GLI3: variants seen among roughly 807,000 people sequenced by gnomAD.
The protein encoded by GLI3 is GLI family zinc finger 3.
GLI3 carries 20 observed loss-of-function variants against 100.8 expected under a neutral mutation model. That is an observed-to-expected ratio of 0.20 (90% confidence interval 0.14 to 0.29). The LOEUF (loss-of-function observed/expected upper bound fraction) is 0.29. Among genes scored for constraint, GLI3 ranks in the 10% least tolerant of loss-of-function variants. The pLI is 1.00. For synonymous variants in GLI3, 938 were observed against 860.5 expected (o/e 1.09, Z -1.58); for missense variants, 2,040 against 2,128.5 (o/e 0.96, Z 0.82).
chr7:42,197,430 C>G (rs3801218), intron 2 of GLI3, among the ~76,000 whole-genome samples: 5 of 152,144 alleles, frequency 3.3e-5, no homozygotes, highest in Non-Finnish European at 5.9e-5. Context: ...CTTGGGCATC[C>G]TCTTCTTATT....
intron 3 of GLI3, among the ~76,000 whole-genome samples, chr7:42,084,901 C>CTTTTTTTTTTTTTTTTTTTT (rs747166719): frequency 1.1e-4 from 5 of 47,502 alleles, no homozygotes; most frequent in Non-Finnish European, 1.4e-4. Context: ...CATTTGGATT[C>CTTTTTTTTTTTTTTTTTTTT]TTTTTTTTTT....
intron 4 of GLI3, among the ~76,000 whole-genome samples, chr7:42,066,953 G>C (rs942402246): frequency 1.3e-5 from 2 of 152,048 alleles, no homozygotes; most frequent in African/African-American, 4.8e-5. Context: ...TAATCCCAAG[G>C]ACAGGCTTAG....
chr7:42,145,351 T>C (rs1050987172), intron 3 of GLI3: 10 of 390,154 alleles, frequency 2.6e-5, no homozygotes, highest in African/African-American at 2.1e-4. Flanking sequence ...AAAGTTTGCA[T>C]TTGTTACATA....
Position 41,966,290 on chromosome 7 carries a change from C to T in GLI3, c.2783G>A (p.Arg928His), listed in dbSNP as rs1408670754. ...LLSLTPAQQY[R>H]LKAKYAAATG... ...GGCAGCCGCGTACTTGGCCTTGAGG[C>T]GGTACTGCTGGGCGGGCGTGAGGCT... The change falls in exon 15 of 15, where the codon CGC becomes CAC. Residue 928 changes from arginine (R) to histidine (H), a missense_variant. Physicochemically the swap from Arg to His is conservative, Grantham distance 29. Around this residue, in one of 5 missense-constraint regions of GLI3, gnomAD observed 1,041 missense variants for 924.0 expected, o/e 1.13. Coordinates refer to ENST00000395925, the MANE Select transcript of GLI3 (RefSeq NM_000168.6). The surrounding 1 kb of genome is among the most constrained non-coding windows in gnomAD (Gnocchi z 5.8). 1.2e-6 allele frequency: 2 copies of T among 1,608,084 alleles called. No homozygotes were observed. Among genetic ancestry groups the T allele is most frequent in the Admixed American group, 1.7e-5 (1 of 59,956 alleles).
At chr7:42,055,347 C>G (rs1784437999) in intron 4 of GLI3, among the ~76,000 whole-genome samples, 1 of 152,180 alleles carries the variant, frequency 6.6e-6, no homozygotes, top group South Asian at 2.1e-4. Flanking sequence ...TTCCTCCTCC[C>G]CAAGGCCACA....
chr7:42,176,212 G>A (rs1431546967), intron 2 of GLI3, among the ~76,000 whole-genome samples: 1 of 151,976 alleles, frequency 6.6e-6, no homozygotes, highest in Non-Finnish European at 1.5e-5. Context: ...CCCATATGCT[G>A]GTGCTGACCC....
intron 2 of GLI3, among the ~76,000 whole-genome samples, chr7:42,200,772 G>C (rs1469640733): frequency 1.3e-5 from 2 of 151,202 alleles, no homozygotes. Flanking sequence ...CAAATCATGA[G>C]ACAGAAGACT....
chr7:41,965,509 A>G lies in GLI3; in HGVS notation c.3564T>C (p.Thr1188=). The G allele has an allele frequency of 6.2e-7, 1 of 1,607,102 alleles. No homozygotes were observed. Residue 1188 remains threonine, a synonymous_variant, in exon 15 of 15, where the codon ACT becomes ACC. Transcript: ENST00000395925. The part of the protein sequence containing the change: ...KCGPRPAVPQ[T]RAFGFCNGMV... Reference sequence around the variant, plus strand: ...TGCCGTTGCAGAACCCAAAGGCGCGAGTCTGCGGCACAGCGGGCCGCGGCC... The same window carrying G: ...TGCCGTTGCAGAACCCAAAGGCGCGGGTCTGCGGCACAGCGGGCCGCGGCC...
At chr7:42,118,465 A>T (rs1785914314) in intron 3 of GLI3, 1 of 395,300 alleles carries the variant, frequency 2.5e-6, no homozygotes, top group African/African-American at 2.1e-5. Context: ...ACACACAGCA[A>T]CTAGAGACCC....
intron 2 of GLI3, among the ~76,000 whole-genome samples, chr7:42,197,128 G>A (rs1787942426): frequency 6.6e-6 from 1 of 152,154 alleles, no homozygotes; most frequent in Non-Finnish European, 1.5e-5. Context: ...GCTGTCTGCA[G>A]GACCCCCGTT....
intron 3 of GLI3, among the ~76,000 whole-genome samples, chr7:42,118,680 C>T (rs1785920652): frequency 6.6e-6 from 1 of 152,080 alleles, no homozygotes; most frequent in African/African-American, 2.4e-5. Context: ...CATCTTGACA[C>T]CTTGACACTA....
intron 7 of GLI3, among the ~76,000 whole-genome samples, chr7:42,031,879 C>T (rs769524148): frequency 6.6e-5 from 10 of 151,954 alleles, no homozygotes; most frequent in East Asian, 3.9e-4. Flanking sequence ...TTCTATTTTA[C>T]GAAGACTTCA....
intron 3 of GLI3, among the ~76,000 whole-genome samples, chr7:42,143,675 T>G (rs1426311534): frequency 6.6e-6 from 1 of 152,238 alleles, no homozygotes; most frequent in East Asian, 1.9e-4. Flanking sequence ...GGTTTTTTCT[T>G]TAAGCTAATT....
At chr7:42,061,638 A>T (rs574216406) in intron 4 of GLI3, among the ~76,000 whole-genome samples, 93 of 152,290 alleles carry the variant, frequency 6.1e-4, no homozygotes, top group African/African-American at 2.1e-3. Context: ...TTGTAGGACT[A>T]CTATATGAGA....
Position 41,965,515 on chromosome 7 carries a change from C to A in GLI3, c.3558G>T (p.Pro1186=). ...KLKCGPRPAV[P]QTRAFGFCNG... is the part of the protein sequence containing the mutation. ...TGCAGAACCCAAAGGCGCGAGTCTG[C>A]GGCACAGCGGGCCGCGGCCCACACT... The change falls in exon 15 of 15, where the codon CCG becomes CCT. Residue 1186 remains proline (P), a synonymous_variant. Transcript: ENST00000395925. 4 of 1,606,038 alleles carry A rather than the reference C, an allele frequency of 2.5e-6. No individual in the cohort carries two copies. The highest frequency in any genetic ancestry group is 3.4e-6 in the Non-Finnish European group (4 of 1,173,902).
At chr7:42,186,272 G>A (rs1356823518) in intron 2 of GLI3, among the ~76,000 whole-genome samples, 1 of 152,068 alleles carries the variant, frequency 6.6e-6, no homozygotes. Flanking sequence ...TCTTGGCATG[G>A]TATTATAACT....
chr7:42,258,620 T>C (rs73688686), intron 1 of GLI3, among the ~76,000 whole-genome samples: 3,985 of 152,274 alleles, frequency 0.026, 179 homozygotes, highest in African/African-American at 0.091. Flanking sequence ...AGAAATTTAT[T>C]TCTCCAGCTC....
At chr7:42,182,447 AT>A (rs200880678) in intron 2 of GLI3, among the ~76,000 whole-genome samples, 6 of 150,804 alleles carry the variant, frequency 4.0e-5, no homozygotes, top group Admixed American at 2.6e-4. Context: ...AATTAAAAAA[AT>A]AATAATAATA....
At chr7:42,034,294 C>G (rs1215056455) in intron 7 of GLI3, among the ~76,000 whole-genome samples, 1 of 152,174 alleles carries the variant, frequency 6.6e-6, no homozygotes, top group African/African-American at 2.4e-5. Context: ...AGAGTTCGAC[C>G]CACCAGGTTG....
Sources: allele counts gnomAD v4.1 joint callset (sites outside exome capture counted in the v4.1 genomes callset), GRCh38; gene constraint gnomAD v4.1.1; regional missense constraint gnomAD v4.1.1; non-coding constraint Gnocchi (gnomAD v3.1); transcripts MANE v1.5; gene names NCBI Gene and HGNC (gene_info 2026-07-23, HGNC 2026-07-21).